The following OXR1 variants were observed in gnomAD, a reference collection of about 807,000 sequenced individuals.
OXR1 encodes oxidation resistance 1.
A neutral mutation model predicts 104.6 loss-of-function variants in OXR1; 41 were observed. That is an observed-to-expected ratio of 0.39 (90% CI 0.31 to 0.51). OXR1 has a LOEUF of 0.51. Ranked by LOEUF, OXR1 falls within the 20% of genes least tolerant of loss-of-function variation. The probability of loss-of-function intolerance (pLI) is 0.77; values close to 1 mark genes in which losing one functional copy is unlikely to be tolerated. For synonymous variants in OXR1, 348 were observed against 348.4 expected (o/e 1.00, Z 0.01); for missense variants, 955 against 1,031.9 (o/e 0.93, Z 1.02).
intron 3 of OXR1, among the ~76,000 whole-genome samples, chr8:106,630,292 G>A (rs1315892477): frequency 6.6e-6 from 1 of 152,138 alleles, no homozygotes; most frequent in South Asian, 2.1e-4. Flanking sequence ...GAATGACATA[G>A]GTGTAAATAG....
chr8:106,648,953 A>G (rs72682824), intron 3 of OXR1, among the ~76,000 whole-genome samples: 2,117 of 152,260 alleles, frequency 0.014, 28 homozygotes, highest in South Asian at 0.062. Context: ...GCCTGTAATC[A>G]CAGCATTTTG....
At chr8:106,287,224 G>T (rs183032833) in intron 1 of OXR1, among the ~76,000 whole-genome samples, 1 of 152,246 alleles carries the variant, frequency 6.6e-6, no homozygotes, top group East Asian at 1.9e-4. Context: ...ATGAAAAGAC[G>T]TGTGAAACAT....
intron 3 of OXR1, among the ~76,000 whole-genome samples, chr8:106,633,174 G>A (rs1418865591): frequency 1.3e-5 from 2 of 152,010 alleles, no homozygotes; most frequent in East Asian, 3.9e-4. Context: ...AGAGGTTGCA[G>A]TGAGCCGAGA....
chr8:106,348,374 C>T (rs1199296886), intron 1 of OXR1, among the ~76,000 whole-genome samples: 1 of 152,158 alleles, frequency 6.6e-6, no homozygotes, highest in Non-Finnish European at 1.5e-5. Flanking sequence ...AGCTGATTTT[C>T]CTCGACTTGT....
intron 2 of OXR1, among the ~76,000 whole-genome samples, chr8:106,486,283 G>A (rs1052355515): frequency 6.6e-6 from 1 of 152,056 alleles, no homozygotes. Context: ...TAAAAGAAAT[G>A]TTACATTACA....
At chr8:106,487,268 C>T (rs1810729404) in intron 2 of OXR1, among the ~76,000 whole-genome samples, 1 of 151,650 alleles carries the variant, frequency 6.6e-6, no homozygotes, top group South Asian at 2.1e-4. Flanking sequence ...AGGTGATCTG[C>T]CCGCCTCGGC....
chr8:106,441,490 T>G (rs761566457), intron 2 of OXR1, among the ~76,000 whole-genome samples: 2 of 152,182 alleles, frequency 1.3e-5, no homozygotes, highest in Non-Finnish European at 2.9e-5. Context: ...GTATTGAATC[T>G]CTAAATTACT....
intron 7 of OXR1, among the ~76,000 whole-genome samples, chr8:106,698,970 A>G (rs1830334451): frequency 6.6e-6 from 1 of 152,028 alleles, no homozygotes; most frequent in Non-Finnish European, 1.5e-5. Flanking sequence ...TTGTATTCCT[A>G]CATATATTCT....
At chr8:106,480,673 A>G (rs1822059958) in intron 2 of OXR1, among the ~76,000 whole-genome samples, 1 of 151,928 alleles carries the variant, frequency 6.6e-6, no homozygotes, top group Non-Finnish European at 1.5e-5. Flanking sequence ...AATGTGCTCC[A>G]ACAATGGGGG....
intron 11 of OXR1, among the ~76,000 whole-genome samples, chr8:106,722,963 T>C (rs999779097): frequency 6.6e-6 from 1 of 152,206 alleles, no homozygotes; most frequent in Non-Finnish European, 1.5e-5. Context: ...AAAGTTGTTA[T>C]CGACCTTAGG....
At chr8:106,704,657 C>T (rs1830968335) in intron 8 of OXR1, among the ~76,000 whole-genome samples, 2 of 151,924 alleles carry the variant, frequency 1.3e-5, no homozygotes, top group South Asian at 4.2e-4. Context: ...GTAGGCCTGC[C>T]AAAGTGCTGA....
intron 3 of OXR1, among the ~76,000 whole-genome samples, chr8:106,563,287 A>G (rs7841385): frequency 6.9e-6 from 1 of 144,938 alleles, no homozygotes; most frequent in South Asian, 2.2e-4. Flanking sequence ...TTACCAAGCA[A>G]ATGGAAAGCA....
chr8:106,323,850 T>TA (rs1175812539), intron 1 of OXR1, among the ~76,000 whole-genome samples: 1 of 151,752 alleles, frequency 6.6e-6, no homozygotes, highest in Admixed American at 6.6e-5. Flanking sequence ...TACTAAAAAG[T>TA]AAAAAAATAA....
At chr8:106,744,154 G>A (rs544914697) in intron 15 of OXR1, among the ~76,000 whole-genome samples, 23 of 152,252 alleles carry the variant, frequency 1.5e-4, no homozygotes, top group African/African-American at 4.6e-4. Context: ...TGTGGCACAC[G>A]TTTACCTGTG....
intron 2 of OXR1, among the ~76,000 whole-genome samples, chr8:106,374,015 G>A (rs1586579324): frequency 6.6e-6 from 1 of 152,218 alleles, no homozygotes; most frequent in Non-Finnish European, 1.5e-5. Flanking sequence ...TATTACAGAA[G>A]TCACTCGTGT....
At chr8:106,339,581 TACTC>T (rs1471223082) in intron 1 of OXR1, among the ~76,000 whole-genome samples, 2 of 125,430 alleles carry the variant, frequency 1.6e-5, no homozygotes, top group South Asian at 2.8e-4. Flanking sequence ...ATAAAATAGA[TACTC>T]AATAATCATT....
chr8:106,415,913 T>C (rs189922122), intron 2 of OXR1, among the ~76,000 whole-genome samples: 89 of 152,264 alleles, frequency 5.8e-4, no homozygotes, highest in Middle Eastern at 3.4e-3. Flanking sequence ...ATTTATTCCA[T>C]GGAGTTTAAG....
intron 1 of OXR1, among the ~76,000 whole-genome samples, chr8:106,320,969 G>T (rs59619439): frequency 6.6e-6 from 1 of 152,176 alleles, no homozygotes; most frequent in Admixed American, 6.5e-5. Flanking sequence ...ACCACGCCTA[G>T]CCTCTTTCTC....
At chr8:106,702,250 G>A (rs1407231571) in intron 7 of OXR1, among the ~76,000 whole-genome samples, 2 of 152,092 alleles carry the variant, frequency 1.3e-5, no homozygotes, top group Admixed American at 6.6e-5. Flanking sequence ...GTAAGCCACC[G>A]TGCCTGCCCT....
Sources: allele counts gnomAD v4.1 joint callset (sites outside exome capture counted in the v4.1 genomes callset), GRCh38; gene constraint gnomAD v4.1.1; transcripts MANE v1.5; gene names NCBI Gene and HGNC (gene_info 2026-07-23, HGNC 2026-07-21).